GRIN2A: variants seen among roughly 807,000 people sequenced by gnomAD.
GRIN2A encodes glutamate ionotropic receptor NMDA type subunit 2A.
A neutral mutation model predicts 113.4 loss-of-function variants in GRIN2A; 22 were observed. The ratio of observed to expected loss-of-function variants is 0.19; its 90% CI spans 0.14 to 0.28. The LOEUF is 0.28. Among genes scored for constraint, GRIN2A ranks in the 10% least tolerant of loss-of-function variants. The pLI is 1.00. For synonymous variants in GRIN2A, 827 were observed against 738.4 expected, an observed-to-expected ratio of 1.12 and a Z score of -1.94; for missense variants, 1,502 against 1,887.0, an observed-to-expected ratio of 0.80 and a Z score of 3.78.
intron 5 of GRIN2A, among the ~76,000 whole-genome samples, chr16:9,846,599 G>A (rs1049177963): frequency 1.3e-5 from 2 of 152,022 alleles, no homozygotes; most frequent in African/African-American, 2.4e-5. Context: ...TGTAACTGAG[G>A]GTGCAAATAT....
chr16:9,950,446 AC>A (rs1242562485), intron 2 of GRIN2A, among the ~76,000 whole-genome samples: 1 of 152,082 alleles, frequency 6.6e-6, no homozygotes, highest in Non-Finnish European at 1.5e-5. Context: ...GGAGGTCACC[AC>A]CCATCAGATG....
intron 4 of GRIN2A, among the ~76,000 whole-genome samples, chr16:9,854,462 C>T (rs1335140895): frequency 1.3e-5 from 2 of 152,090 alleles, no homozygotes; most frequent in Non-Finnish European, 2.9e-5. Context: ...ACCTCAGTTT[C>T]GACTGTCATA....
In GRIN2A at chr16:9,911,938, G is replaced by A. The variant is rs1367261202; in HGVS notation, c.1008-20838C>T. Among the ~76,000 whole-genome samples the A allele has an allele frequency of 2.0e-5, 3 of 152,258 alleles. No individual in the cohort carries two copies. In the South Asian group the frequency reaches 6.2e-4, roughly 32 times the overall value. On this transcript the variant is annotated intron_variant, in intron 3 of 12. Transcript: ENST00000330684. Reference sequence around the variant, plus strand: ...GGTATTGTGCTTAAGAGCATGACTGGGCAAGCTATTCACTCTGCATCTTAG... The same window carrying A: ...GGTATTGTGCTTAAGAGCATGACTGAGCAAGCTATTCACTCTGCATCTTAG...
chr16:10,111,862 C>G, intron 2 of GRIN2A: 1 of 1,002,316 alleles, frequency 1.0e-6, no homozygotes, highest in South Asian at 1.3e-5. Context: ...CATCTCCTCC[C>G]GAGACATCAA....
chr16:10,163,640 A>G (rs2049851288), intron 2 of GRIN2A, among the ~76,000 whole-genome samples: 1 of 139,262 alleles, frequency 7.2e-6, no homozygotes, highest in Admixed American at 7.5e-5. Flanking sequence ...GGAACCCCCT[A>G]CCTCCCCATA....
Position 9,762,250 on chromosome 16 carries a change from C to T in GRIN2A, c.*899G>A, listed in dbSNP as rs1218970637. 1 of 225,192 alleles carries T rather than the reference C, an allele frequency of 4.4e-6. No individual in the cohort carries two copies. The highest frequency in any genetic ancestry group is 2.2e-5 in the African/African-American group (1 of 44,856). The allele number at this position is 225,192 out of a possible 1,614,324, so 13.9% of individuals were successfully genotyped here. A position where few individuals can be genotyped will look rare whatever the true frequency, so the allele number is the denominator to read the frequency against. ...CAGATACTATACAACCCTGAGTCAT[C>T]ACCAGAAGGGAGGAAATGCAAACTT... On this transcript the variant is annotated 3_prime_UTR_variant, in exon 13 of 13. Transcript: ENST00000330684.
rs543466632 is a variant in GRIN2A, at chr16:9,766,323, C to T, written c.2596-1375G>A. On this transcript the variant is annotated intron_variant, in intron 12 of 12. Coordinates refer to ENST00000330684, the MANE Select transcript of GRIN2A (RefSeq NM_001134407.3). ...GACAAGCTCACCCTGCAGGGATGCT[C>T]ACGGAACTGTGACAGCCTCAACTCA... is the stretch of plus-strand genomic sequence containing the variant. Among the ~76,000 whole-genome samples, 3 of 152,314 alleles carry T rather than the reference C, an allele frequency of 2.0e-5. No homozygotes were observed. The East Asian group carries it at 5.8e-4, about 29-fold the overall frequency.
intron 2 of GRIN2A, among the ~76,000 whole-genome samples, chr16:10,041,822 C>A (rs1364606128): frequency 6.6e-6 from 1 of 152,220 alleles, no homozygotes; most frequent in East Asian, 1.9e-4. Flanking sequence ...CCCACCTTCT[C>A]AGTGAAGTCT....
Position 9,757,251 on chromosome 16 carries a change from A to C in GRIN2A, c.*5898T>G, listed in dbSNP as rs966414551. The C allele has an allele frequency of 4.5e-6, 1 of 220,142 alleles. No homozygotes were observed. Among genetic ancestry groups the C allele is most frequent in the Non-Finnish European group, 9.1e-6 (1 of 109,920 alleles). 13.6% of individuals were successfully genotyped at this position (220,142 alleles called of 1,614,324 possible). A position where few individuals can be genotyped will look rare whatever the true frequency, so the allele number is the denominator to read the frequency against. On this transcript the variant is annotated 3_prime_UTR_variant, in exon 13 of 13. Coordinates refer to ENST00000330684, the MANE Select transcript of GRIN2A (RefSeq NM_001134407.3). ...GTGTGAGTGTGTTCACCTGGTTAGC[A>C]GCTCCTGGGTCTCCTAAGTCCATTA... is the stretch of plus-strand genomic sequence containing the variant.
chr16:9,764,235 G>A lies in GRIN2A; in HGVS notation c.3309C>T (p.Arg1103=), dbSNP rs777266308. The A allele has an allele frequency of 2.5e-6, 4 of 1,613,890 alleles. No individual in the cohort carries two copies. In the Admixed American group the frequency reaches 6.7e-5, roughly 27 times the overall value. ...KYPKDCSEVE[R]TYLKTKSSSP... ...AGCTTGATTTGGTTTTCAGGTAGGT[G>A]CGCTCGACCTCACTACAGTCCTTGG... is the stretch of plus-strand genomic sequence containing the variant. Residue 1103 remains arginine, a synonymous_variant, in exon 13 of 13, where the codon CGC becomes CGT. Coordinates refer to ENST00000330684, the MANE Select transcript of GRIN2A (RefSeq NM_001134407.3).
At chr16:9,935,567 G>T (rs1397710335) in intron 3 of GRIN2A, among the ~76,000 whole-genome samples, 4 of 117,716 alleles carry the variant, frequency 3.4e-5, no homozygotes, top group Non-Finnish European at 7.4e-5. Flanking sequence ...CACTCCTCCA[G>T]CCCCAGTTCA....
At chr16:9,901,809 T>C (rs958240728) in intron 3 of GRIN2A, among the ~76,000 whole-genome samples, 1 of 152,198 alleles carries the variant, frequency 6.6e-6, no homozygotes, top group African/African-American at 2.4e-5. Flanking sequence ...AGAAGACAAT[T>C]AAGATATTTG....
chr16:9,877,572 A>T (rs16951624), intron 4 of GRIN2A, among the ~76,000 whole-genome samples: 53,677 of 150,826 alleles, frequency 0.36, 11,031 homozygotes, highest in African/African-American at 0.57. Flanking sequence ...GTCCACTGTT[A>T]CTTTGTTCTC....
At chr16:9,879,421 T>C (rs1292648946) in intron 4 of GRIN2A, among the ~76,000 whole-genome samples, 2 of 152,182 alleles carry the variant, frequency 1.3e-5, no homozygotes, top group African/African-American at 4.8e-5. Context: ...AAAAATTTTT[T>C]TAATCTATCT....
At chr16:9,900,264 A>C (rs954227071) in intron 3 of GRIN2A, among the ~76,000 whole-genome samples, 2 of 152,156 alleles carry the variant, frequency 1.3e-5, no homozygotes, top group Admixed American at 1.3e-4. Context: ...CCCTACCCCA[A>C]GGAGAGAGGA....
At chr16:9,887,811 C>T (rs774352170) in intron 4 of GRIN2A, among the ~76,000 whole-genome samples, 4 of 152,158 alleles carry the variant, frequency 2.6e-5, no homozygotes. Context: ...GTGATCTCAG[C>T]ACTTTGGGAG....
intron 2 of GRIN2A, among the ~76,000 whole-genome samples, chr16:9,939,994 A>T (rs2044824700): frequency 1.3e-5 from 2 of 151,750 alleles, no homozygotes; most frequent in African/African-American, 4.9e-5. Context: ...CAACCTCAAC[A>T]AGATAACTTA....
intron 2 of GRIN2A, among the ~76,000 whole-genome samples, chr16:10,027,084 C>T (rs2046836332): frequency 6.6e-6 from 1 of 152,172 alleles, no homozygotes; most frequent in African/African-American, 2.4e-5. Context: ...TTCTGTTGGC[C>T]TCTCCTCACA....
chr16:9,998,630 G>A lies in GRIN2A; in HGVS notation c.415-60079C>T, dbSNP rs183064436. The stretch of plus-strand genomic sequence containing the variant: ...GCTCTTTAAATTTTTATAAAAATTG[G>A]CAAATTGCCTTGCAAAATCTTACTC... On this transcript the variant is annotated intron_variant, in intron 2 of 12. Transcript: ENST00000330684. Among the ~76,000 whole-genome samples, 561 of 152,180 alleles carry A rather than the reference G, an allele frequency of 3.7e-3. 9 individuals are homozygous for A. The highest frequency in any genetic ancestry group is 1.9e-3 in the Non-Finnish European group (126 of 67,992).
Sources: gnomAD v4.1 joint callset for allele counts (sites outside exome capture counted in the v4.1 genomes callset) on GRCh38, gnomAD v4.1.1 for gene constraint, MANE v1.5 for transcripts, NCBI Gene and HGNC (gene_info 2026-07-23, HGNC 2026-07-21) for gene names.